Variants in C12orf42 observed in about 807,000 individuals in gnomAD.
The protein encoded by C12orf42 is uncharacterized protein C12orf42.
In C12orf42, 25 loss-of-function variants were observed where a neutral mutation model predicts 21.6. The observed-to-expected ratio is 1.16, with a 90% CI of 0.84 to 1.62. C12orf42 has a LOEUF of 1.62. C12orf42 is among the 40% of genes most tolerant of loss of function. The pLI, the probability that C12orf42 is intolerant of heterozygous loss-of-function variation, is 0.00. For synonymous variants in C12orf42, 174 were observed against 175.0 expected, an observed-to-expected ratio of 0.99 and a Z score of 0.05; for missense variants, 483 against 459.3, an observed-to-expected ratio of 1.05 and a Z score of -0.47.
Position 103,379,656 on chromosome 12 carries a change from C to A in C12orf42, c.148-10658G>T, listed in dbSNP as rs550983153. ...AATTATCCAATGATTTATTACAATA[C>A]ACTTTGCCCACACTGGATATTTGGA... On this transcript the variant is annotated intron_variant, in intron 3 of 5. Coordinates refer to ENST00000548883, the MANE Select transcript of C12orf42 (RefSeq NM_198521.5). Among the ~76,000 whole-genome samples, 27 of 152,330 alleles carry A rather than the reference C, an allele frequency of 1.8e-4. No homozygotes were observed. The South Asian group carries it at 5.4e-3, about 30-fold the overall frequency.
chr12:103,478,572 G>A, intron 1 of C12orf42, 125 bp from the exon 2 acceptor site: 3 of 422,782 alleles, frequency 7.1e-6, no homozygotes, highest in South Asian at 5.5e-5. Context: ...TCTTGCCAGT[G>A]ACTTTCAATA....
intron 4 of C12orf42, among the ~76,000 whole-genome samples, chr12:103,290,752 G>GA (rs2036753615): frequency 6.6e-6 from 1 of 152,214 alleles, no homozygotes; most frequent in East Asian, 1.9e-4. Flanking sequence ...GGTTTAAACA[G>GA]AAAAAAGTGG....
At chr12:103,135,082 C>G in the C12orf42 span, among the ~76,000 whole-genome samples, 6 of 152,068 alleles carry the variant, frequency 3.9e-5, no homozygotes, top group African/African-American at 1.4e-4. Context: ...CCTAGACAAG[C>G]AAAAACTTAA....
chr12:103,095,317 A>G, the C12orf42 span, among the ~76,000 whole-genome samples: 5 of 152,160 alleles, frequency 3.3e-5, no homozygotes, highest in Non-Finnish European at 7.4e-5. Context: ...TTCTGCCTCC[A>G]GCCCCACTTT....
intron 2 of C12orf42, among the ~76,000 whole-genome samples, chr12:103,425,882 C>T (rs1452983813): frequency 6.6e-6 from 1 of 151,816 alleles, no homozygotes; most frequent in Admixed American, 6.6e-5. Context: ...TCCTACTTCC[C>T]AGTGGCTTTG....
chr12:103,472,517 A>C (rs1221999985), intron 2 of C12orf42, among the ~76,000 whole-genome samples: 1 of 152,252 alleles, frequency 6.6e-6, no homozygotes, highest in Non-Finnish European at 1.5e-5. Flanking sequence ...AACCCTGGCC[A>C]CAGCCCTCAC....
intron 2 of C12orf42, among the ~76,000 whole-genome samples, chr12:103,467,902 C>A (rs1456461403): frequency 6.6e-6 from 1 of 152,068 alleles, no homozygotes; most frequent in Non-Finnish European, 1.5e-5. Flanking sequence ...ACATATTTAG[C>A]CCTCCTGTGG....
chr12:103,397,557 T>C (rs745516645), intron 3 of C12orf42: 1 of 152,232 alleles, frequency 6.6e-6, no homozygotes, highest in Non-Finnish European at 1.5e-5. Flanking sequence ...TGGAAGAGTT[T>C]CATCCAGAAA....
chr12:103,070,294 A>G, the C12orf42 span, among the ~76,000 whole-genome samples: 2 of 151,968 alleles, frequency 1.3e-5, no homozygotes, highest in Admixed American at 6.6e-5. Context: ...TTGTATCCCT[A>G]TGAGTTTGGT....
intron 3 of C12orf42, among the ~76,000 whole-genome samples, chr12:103,395,508 C>T (rs941526890): frequency 2.0e-5 from 3 of 151,948 alleles, no homozygotes; most frequent in East Asian, 1.9e-4. Flanking sequence ...GCTAATTTTT[C>T]GTATTTTTAG....
chr12:103,204,486 AG>A, the C12orf42 span, among the ~76,000 whole-genome samples: 1 of 152,200 alleles, frequency 6.6e-6, no homozygotes, highest in Non-Finnish European at 1.5e-5. Context: ...ATATCTTTGC[AG>A]GTCTCTTTTG....
the C12orf42 span, among the ~76,000 whole-genome samples, chr12:103,146,588 G>GAAAGAAAGAAAGAAAGAAAA: frequency 1.1e-4 from 17 of 148,354 alleles, no homozygotes; most frequent in African/African-American, 4.0e-4. Flanking sequence ...AAGAAAGAAA[G>GAAAGAAAGAAAGAAAGAAAA]AAAGAAAGAA....
the C12orf42 span, among the ~76,000 whole-genome samples, chr12:103,060,465 G>GA: frequency 6.6e-6 from 1 of 152,064 alleles, no homozygotes; most frequent in Non-Finnish European, 1.5e-5. Flanking sequence ...CACAGAATTA[G>GA]AAAAAACTAC....
the C12orf42 span, among the ~76,000 whole-genome samples, chr12:103,202,951 G>T: frequency 6.6e-6 from 1 of 152,188 alleles, no homozygotes; most frequent in Non-Finnish European, 1.5e-5. Flanking sequence ...TGGTTATGGT[G>T]TTCCAATTTG....
At chr12:103,378,415 C>A (rs1403410383) in intron 3 of C12orf42, among the ~76,000 whole-genome samples, 1 of 152,090 alleles carries the variant, frequency 6.6e-6, no homozygotes. Context: ...ACCATAGGCA[C>A]CAACTTGTCT....
the C12orf42 span, among the ~76,000 whole-genome samples, chr12:103,053,379 C>A: frequency 6.6e-6 from 1 of 151,834 alleles, no homozygotes; most frequent in Non-Finnish European, 1.5e-5. Flanking sequence ...GGCTTATTTG[C>A]CAATTATATA....
the C12orf42 span, among the ~76,000 whole-genome samples, chr12:103,173,108 C>A: frequency 6.6e-6 from 1 of 152,166 alleles, no homozygotes; most frequent in Non-Finnish European, 1.5e-5. Context: ...TCTCAGGTAC[C>A]AAAGAGTTCA....
At chr12:103,519,878 G>A in the C12orf42 span, among the ~76,000 whole-genome samples, 7 of 152,192 alleles carry the variant, frequency 4.6e-5, no homozygotes, top group African/African-American at 1.7e-4. Context: ...CCCATGTTGA[G>A]ATGGAAGTGG....
the C12orf42 span, among the ~76,000 whole-genome samples, chr12:103,202,523 G>C: frequency 6.6e-6 from 1 of 152,240 alleles, no homozygotes; most frequent in Admixed American, 6.5e-5. Flanking sequence ...GAGTCTAACT[G>C]GAAAATCTGG....
Sources: gnomAD v4.1 joint callset for allele counts (sites outside exome capture counted in the v4.1 genomes callset) on GRCh38, gnomAD v4.1.1 for gene constraint, MANE v1.5 for transcripts, NCBI Gene and HGNC (gene_info 2026-07-23, HGNC 2026-07-21) for gene names.